Variants in SNX4 observed in about 807,000 individuals in gnomAD.
SNX4 encodes the protein sorting nexin-4.
A neutral mutation model predicts 70.8 loss-of-function variants in SNX4; 49 were observed. That is an observed-to-expected ratio of 0.69 (90% CI 0.55 to 0.88). SNX4 has a LOEUF of 0.88. Among genes scored for constraint, SNX4 ranks in the 40% least tolerant of loss-of-function variants. The probability of loss-of-function intolerance (pLI) is 0.00; values close to 1 mark genes in which losing one functional copy is unlikely to be tolerated. For missense variants in SNX4, 528 were observed against 544.8 expected (o/e 0.97, Z 0.31); for synonymous variants, 206 against 183.8 (o/e 1.12, Z -0.98).
rs1166782122 is a variant in SNX4, at chr3:125,451,304, C to T, written c.1305+1G>A. 2 of 1,603,558 alleles carry T rather than the reference C, an allele frequency of 1.2e-6. No homozygotes were observed. Among genetic ancestry groups the T allele is most frequent in the Non-Finnish European group, 1.7e-6 (2 of 1,172,044 alleles). ...CTTCACTGAAACAGGAAAAACCCTA[C>T]CTTTTTGCACATACTGATCTGCATG... On this transcript the variant is annotated splice_donor_variant, in intron 13 of 13. Transcript: ENST00000251775. LOFTEE classifies it high-confidence loss of function.
chr3:125,469,677 CTTAAGT>C (rs999159709), intron 8 of SNX4, among the ~76,000 whole-genome samples, 158 bp from the exon 9 acceptor site: 1 of 152,160 alleles, frequency 6.6e-6, no homozygotes, highest in African/African-American at 2.4e-5. Context: ...CTGTTTTCCC[CTTAAGT>C]TTAACAACTA....
chr3:125,504,713 A>G lies in SNX4; in HGVS notation c.173T>C (p.Ile58Thr). The change falls in exon 2 of 14, where the codon ATA becomes ACA. Residue 58 changes from isoleucine (I) to threonine (T), a missense_variant. Ile to Thr is a moderately conservative substitution (Grantham distance 89, BLOSUM62 -1). Transcript: ENST00000251775. Reference protein sequence around the residue: ...MTHNNFWLKKIEISVSEAEKR... With the variant: ...MTHNNFWLKKTEISVSEAEKR... ...TTCTGCTTCTGAAACACTGATTTCT[A>G]TCTTCTTCAACCAAAAATTATTGTG... 1 of 1,613,866 alleles carries G rather than the reference A, an allele frequency of 6.2e-7. No homozygotes were observed. Among genetic ancestry groups the G allele is most frequent in the Non-Finnish European group, 8.5e-7 (1 of 1,179,920 alleles).
At chr3:125,498,455 G>A (rs1559822494) in intron 2 of SNX4, among the ~76,000 whole-genome samples, 1 of 152,184 alleles carries the variant, frequency 6.6e-6, no homozygotes, top group East Asian at 1.9e-4. Context: ...GAGTAGCTGG[G>A]ACCACAGGCA....
chr3:125,471,106 A>G (rs1934157983), intron 8 of SNX4, among the ~76,000 whole-genome samples: 1 of 152,104 alleles, frequency 6.6e-6, no homozygotes, highest in South Asian at 2.1e-4. Context: ...GCACTCTGGG[A>G]AGCCAAGGAG....
At chr3:125,476,323 G>A (rs1273471623) in intron 8 of SNX4, among the ~76,000 whole-genome samples, 1 of 144,124 alleles carries the variant, frequency 6.9e-6, no homozygotes, top group African/African-American at 2.6e-5. Context: ...TGTAATCCCA[G>A]CACTTTCGGA....
intron 1 of SNX4, among the ~76,000 whole-genome samples, chr3:125,514,873 G>C (rs1199939599): frequency 6.6e-6 from 1 of 151,750 alleles, no homozygotes; most frequent in Non-Finnish European, 1.5e-5. Flanking sequence ...TTGTAGACTG[G>C]GTCTCCCTAC....
chr3:125,459,869 T>A (rs1933830219), intron 10 of SNX4, among the ~76,000 whole-genome samples: 1 of 101,458 alleles, frequency 9.9e-6, no homozygotes, highest in Admixed American at 9.9e-5. Flanking sequence ...GGAATAGTGC[T>A]CTTGTTTTCC....
Position 125,518,196 on chromosome 3 carries a change from T to C in SNX4, c.141+1836A>G, listed in dbSNP as rs543275973. Among the ~76,000 whole-genome samples the C allele has an allele frequency of 2.0e-5, 3 of 151,618 alleles. No homozygotes were observed. The South Asian group carries it at 6.3e-4, about 32-fold the overall frequency. Reference sequence around the variant, plus strand: ...CCTAATGGCAGGGTGTGGTGGTGTGTACCTGTAACCCCAGCTACTCAGAAG... The same window carrying C: ...CCTAATGGCAGGGTGTGGTGGTGTGCACCTGTAACCCCAGCTACTCAGAAG... On this transcript the variant is annotated intron_variant, in intron 1 of 13. Transcript: ENST00000251775.
Position 125,456,306 on chromosome 3 carries a change from A to G in SNX4, c.1044+960T>C, listed in dbSNP as rs549630590. On this transcript the variant is annotated intron_variant, in intron 11 of 13. Coordinates refer to ENST00000251775, the MANE Select transcript of SNX4 (RefSeq NM_003794.4). ...TTCAAAGTCAACTAAAATTTCTGCAAAGTACCTTGCAAAGTTAAACCTGAT... is the reference window on the plus strand; with the variant it reads ...TTCAAAGTCAACTAAAATTTCTGCAGAGTACCTTGCAAAGTTAAACCTGAT... 7.9e-5 allele frequency among the ~76,000 whole-genome samples: 12 copies of G among 152,272 alleles called. No individual in the cohort carries two copies. The South Asian group carries it at 2.5e-3, about 32-fold the overall frequency.
rs1265664516 is a variant in SNX4, at chr3:125,489,530, T to C, written c.598-67A>G. Reference sequence around the variant, plus strand: ...GGGTATAAAATTCAAACAATTTTACTTTCCCTTTAGAATTAAGATGCTCAA... The same window carrying C: ...GGGTATAAAATTCAAACAATTTTACCTTCCCTTTAGAATTAAGATGCTCAA... On this transcript the variant is annotated intron_variant, in intron 5 of 13. Coordinates refer to ENST00000251775, the MANE Select transcript of SNX4 (RefSeq NM_003794.4). 3.8e-5 allele frequency: 49 copies of C among 1,300,922 alleles called. No individual in the cohort carries two copies. The East Asian group carries it at 1.1e-3, about 29-fold the overall frequency. 80.6% of individuals were successfully genotyped at this position (1,300,922 alleles called of 1,614,324 possible). A position where few individuals can be genotyped will look rare whatever the true frequency, so the allele number is the denominator to read the frequency against.
In SNX4 at chr3:125,457,287, C is replaced by T. The variant is rs1192212405; in HGVS notation, c.1023G>A (p.Gln341=). The change falls in exon 11 of 14, where the codon CAG becomes CAA. Residue 341 remains glutamine, a synonymous_variant. Coordinates refer to ENST00000251775, the MANE Select transcript of SNX4 (RefSeq NM_003794.4). ...AAQDLASKKQ[Q]CEELVTGTVR... ...TCACCCCAGTTACCAGTTCCTCACA[C>T]TGCTGCTTCTTGGATGCTAAGTCCT... is the stretch of plus-strand genomic sequence containing the variant. 7.4e-6 allele frequency: 12 copies of T among 1,613,864 alleles called. No homozygotes were observed. The highest frequency in any genetic ancestry group is 2.7e-5 in the African/African-American group (2 of 74,934).
At chr3:125,496,655 A>G (rs1934800958) in intron 5 of SNX4, among the ~76,000 whole-genome samples, 1 of 152,206 alleles carries the variant, frequency 6.6e-6, no homozygotes, top group Non-Finnish European at 1.5e-5. Flanking sequence ...CTTTTAGGGA[A>G]GAAATAAACA....
intron 1 of SNX4, among the ~76,000 whole-genome samples, chr3:125,519,758 C>T (rs1405009889): frequency 6.6e-6 from 1 of 152,086 alleles, no homozygotes; most frequent in East Asian, 1.9e-4. Flanking sequence ...GGGGCGCCCC[C>T]CCGGGTCCCT....
At chr3:125,508,154 G>T (rs567999257) in intron 1 of SNX4, among the ~76,000 whole-genome samples, 1 of 152,072 alleles carries the variant, frequency 6.6e-6, no homozygotes, top group African/African-American at 2.4e-5. Flanking sequence ...CTATATATTC[G>T]ATGCAAACCC....
intron 2 of SNX4, among the ~76,000 whole-genome samples, chr3:125,501,297 C>G (rs906894517): frequency 2.1e-5 from 3 of 140,104 alleles, no homozygotes; most frequent in Non-Finnish European, 4.5e-5. Context: ...AATGGAAAGC[C>G]TTTGTAGTTT....
At chr3:125,508,123 A>G (rs181153179) in intron 1 of SNX4, among the ~76,000 whole-genome samples, 1 of 152,354 alleles carries the variant, frequency 6.6e-6, no homozygotes, top group Non-Finnish European at 1.5e-5. Flanking sequence ...TTATGAAGAT[A>G]TCAAAACTAC....
At chr3:125,518,377 G>A (rs1010425120) in intron 1 of SNX4, among the ~76,000 whole-genome samples, 35 of 151,866 alleles carry the variant, frequency 2.3e-4, no homozygotes, top group African/African-American at 7.7e-4. Flanking sequence ...CAGGAGGCTC[G>A]CTTGAGGCCA....
At chr3:125,486,605 A>G (rs1014884279) in intron 6 of SNX4, among the ~76,000 whole-genome samples, 23 of 152,316 alleles carry the variant, frequency 1.5e-4, no homozygotes, top group Admixed American at 1.4e-3. Flanking sequence ...CAGCCTGGGC[A>G]ACACAGAGAG....
intron 9 of SNX4, among the ~76,000 whole-genome samples, chr3:125,462,209 G>T (rs1203845227): frequency 2.0e-5 from 3 of 152,122 alleles, no homozygotes; most frequent in Admixed American, 6.6e-5. Flanking sequence ...CATATCCCAT[G>T]TGTTGGTTTT....
Sources: gnomAD v4.1 joint callset for allele counts (sites outside exome capture counted in the v4.1 genomes callset) on GRCh38, gnomAD v4.1.1 for gene constraint, MANE v1.5 for transcripts, NCBI Gene and HGNC (gene_info 2026-07-23, HGNC 2026-07-21) for gene names.